The following AP3S1 variants were observed in gnomAD, a reference collection of about 807,000 sequenced individuals.
The protein encoded by AP3S1 is AP-3 complex subunit sigma-1.
A neutral mutation model predicts 21.3 loss-of-function variants in AP3S1; 12 were observed. That is an observed-to-expected ratio of 0.56 (90% CI 0.36 to 0.91). The LOEUF is 0.91. Among genes scored for constraint, AP3S1 ranks in the 40% least tolerant of loss-of-function variants. The pLI is 0.01. For synonymous variants in AP3S1, 48 were observed against 78.4 expected (o/e 0.61, Z 2.05); for missense variants, 116 against 225.0 (o/e 0.52, Z 3.10).
At position 115,857,258 on chromosome 5, in the gene AP3S1, T is replaced by A. The variant is rs192545716; in HGVS notation, c.70-9412T>A. On this transcript the variant is annotated intron_variant, in intron 1 of 5. Coordinates refer to ENST00000316788, the MANE Select transcript of AP3S1 (RefSeq NM_001284.4). ...TTCAGATAAGGCCCAGAGGTAGTAC[T>A]TAAAAATAAGTCAGTGTTAATGCAT... 2.6e-5 allele frequency among the ~76,000 whole-genome samples: 4 copies of A among 152,338 alleles called. No homozygotes were observed. The East Asian group carries it at 7.7e-4, about 29-fold the overall frequency.
At chr5:115,844,779 C>T (rs1287381987) in intron 1 of AP3S1, among the ~76,000 whole-genome samples, 6 of 152,280 alleles carry the variant, frequency 3.9e-5, no homozygotes, top group Admixed American at 1.3e-4. Flanking sequence ...AAAGCCTCCT[C>T]CTGGTTTTTA....
In AP3S1 at chr5:115,871,245, G is replaced by A. The variant is rs192168102; in HGVS notation, c.273+1117G>A. Among the ~76,000 whole-genome samples, 45 of 152,238 alleles carry A rather than the reference G, an allele frequency of 3.0e-4. 1 individual carries two copies. The highest frequency in any genetic ancestry group is 2.0e-3 in the Admixed American group (31 of 15,292). On this transcript the variant is annotated intron_variant, in intron 3 of 5. Coordinates refer to ENST00000316788, the MANE Select transcript of AP3S1 (RefSeq NM_001284.4). ...CAATGCCTCTGCTCACAATACGTGTGGAAACACAAGATCCATCTAAAATTG... is the reference window on the plus strand; with the variant it reads ...CAATGCCTCTGCTCACAATACGTGTAGAAACACAAGATCCATCTAAAATTG...
At chr5:115,878,876 G>A (rs1341152163) in intron 3 of AP3S1, among the ~76,000 whole-genome samples, 2 of 152,148 alleles carry the variant, frequency 1.3e-5, no homozygotes. Flanking sequence ...ATTTCCTTGA[G>A]CAGTAGTTTG....
intron 4 of AP3S1, among the ~76,000 whole-genome samples, chr5:115,902,551 A>T (rs961613885): frequency 6.6e-6 from 1 of 150,806 alleles, no homozygotes. Context: ...TAAACTTCAC[A>T]TAATAATAAT....
rs1417189814 is a variant in AP3S1, at chr5:115,903,002, GA to G, written c.453+14del. 1.3e-6 allele frequency: 2 copies of G among 1,586,652 alleles called. No homozygotes were observed. Among genetic ancestry groups the G allele is most frequent in the Non-Finnish European group, 1.7e-6 (2 of 1,156,616 alleles). On this transcript the variant is annotated intron_variant, in intron 5 of 5. Coordinates refer to ENST00000316788, the MANE Select transcript of AP3S1 (RefSeq NM_001284.4). ...GCTGGAAAAATCTGAGGTAAGAATG[GA>G]AAATGCTGTAGTTAAGAAGGTTCTA...
intron 4 of AP3S1, among the ~76,000 whole-genome samples, chr5:115,899,817 A>G (rs1408465958): frequency 1.3e-5 from 2 of 152,170 alleles, no homozygotes; most frequent in Non-Finnish European, 2.9e-5. Context: ...CATCTATTAT[A>G]CAAGTACTTG....
intron 5 of AP3S1, chr5:115,903,938 C>A (rs893895534): frequency 5.6e-4 from 86 of 152,234 alleles, no homozygotes; most frequent in African/African-American, 1.9e-3. Context: ...AATAAATTAG[C>A]TGGGCACGTA....
chr5:115,860,731 C>T (rs2112808862), intron 1 of AP3S1, among the ~76,000 whole-genome samples: 1 of 152,290 alleles, frequency 6.6e-6, no homozygotes, highest in South Asian at 2.1e-4. Context: ...GTCTTCCTTT[C>T]CCATTCTCCT....
At chr5:115,843,695 A>G (rs975133394) in intron 1 of AP3S1, among the ~76,000 whole-genome samples, 3 of 152,250 alleles carry the variant, frequency 2.0e-5, no homozygotes, top group Non-Finnish European at 4.4e-5. Context: ...ATTTTTCCAT[A>G]TCTAAACTTA....
In AP3S1 at chr5:115,859,941, CA is replaced by C. The variant is rs575842081; in HGVS notation, c.70-6728del. On this transcript the variant is annotated intron_variant, in intron 1 of 5. Transcript: ENST00000316788. Reference sequence around the variant, plus strand: ...ATTTTATGTTACTGTAACAAATTACCACAGACTTAGTGGCTTAAAACAACCC... The same window carrying C: ...ATTTTATGTTACTGTAACAAATTACCCAGACTTAGTGGCTTAAAACAACCC... 4.4e-3 allele frequency among the ~76,000 whole-genome samples: 673 copies of C among 152,238 alleles called. 1 individual carries two copies. Among genetic ancestry groups the C allele is most frequent in the African/African-American group, 0.016 (654 of 41,530 alleles).
At chr5:115,872,012 T>C (rs1450523808) in intron 3 of AP3S1, among the ~76,000 whole-genome samples, 1 of 152,148 alleles carries the variant, frequency 6.6e-6, no homozygotes, top group Non-Finnish European at 1.5e-5. Context: ...TGGCTAAGGC[T>C]TTAAAAATAA....
chr5:115,848,100 A>G (rs1262609220), intron 1 of AP3S1, among the ~76,000 whole-genome samples: 1 of 152,112 alleles, frequency 6.6e-6, no homozygotes, highest in Non-Finnish European at 1.5e-5. Context: ...GTTATAGGTC[A>G]TTTCATGGCT....
chr5:115,843,002 T>C (rs2112751649), intron 1 of AP3S1, among the ~76,000 whole-genome samples: 2 of 152,290 alleles, frequency 1.3e-5, no homozygotes, highest in East Asian at 3.9e-4. Context: ...AACGTGTAAA[T>C]ACTGTTTAGT....
At chr5:115,860,353 C>T (rs1277249760) in intron 1 of AP3S1, among the ~76,000 whole-genome samples, 1 of 152,212 alleles carries the variant, frequency 6.6e-6, no homozygotes, top group Non-Finnish European at 1.5e-5. Flanking sequence ...CACATATTTA[C>T]AGGTTCCAGG....
chr5:115,910,892 A>G (rs1017742345), intron 5 of AP3S1, among the ~76,000 whole-genome samples: 1 of 152,184 alleles, frequency 6.6e-6, no homozygotes, highest in Non-Finnish European at 1.5e-5. Context: ...TTCATGGCAT[A>G]CTACACAAAA....
intron 3 of AP3S1, among the ~76,000 whole-genome samples, chr5:115,883,823 A>G (rs1749525903): frequency 1.3e-5 from 2 of 152,230 alleles, no homozygotes; most frequent in South Asian, 2.1e-4. Flanking sequence ...AATTTATATC[A>G]ATATGAGCTT....
At chr5:115,913,221 C>A in intron 5 of AP3S1, 141 bp from the exon 6 acceptor site, 2 of 736,032 alleles carry the variant, frequency 2.7e-6, no homozygotes, top group Non-Finnish European at 2.0e-6. Context: ...AGTAACCATT[C>A]CATACCAATT....
chr5:115,892,052 A>G (rs745492598), intron 3 of AP3S1, among the ~76,000 whole-genome samples: 21 of 152,272 alleles, frequency 1.4e-4, no homozygotes, highest in Non-Finnish European at 2.9e-4. Context: ...CCAAACAGGC[A>G]TATGAAAAGG....
chr5:115,863,185 G>A (rs529799621), intron 1 of AP3S1, among the ~76,000 whole-genome samples: 11 of 151,888 alleles, frequency 7.2e-5, no homozygotes, highest in South Asian at 2.1e-4. Context: ...GGATCACCTC[G>A]GTCGAGTTCA....
Sources: allele counts gnomAD v4.1 joint callset (sites outside exome capture counted in the v4.1 genomes callset), GRCh38; gene constraint gnomAD v4.1.1; transcripts MANE v1.5; gene names NCBI Gene and HGNC (gene_info 2026-07-23, HGNC 2026-07-21).